GRID2: variants seen among roughly 807,000 people sequenced by gnomAD.
GRID2 encodes the protein glutamate receptor ionotropic, delta-2.
Under a neutral mutation model 114.8 loss-of-function variants are expected in GRID2, and 33 were observed. That is an observed-to-expected ratio of 0.29 (90% CI 0.22 to 0.38). The LOEUF (loss-of-function observed/expected upper bound fraction) is 0.38. Among genes scored for constraint, GRID2 ranks in the 10% least tolerant of loss-of-function variants. The pLI, the probability that GRID2 is intolerant of heterozygous loss-of-function variation, is 1.00. For synonymous variants in GRID2, 505 were observed against 449.9 expected (o/e 1.12, Z -1.55); for missense variants, 1,184 against 1,257.7 (o/e 0.94, Z 0.89).
intron 10 of GRID2, among the ~76,000 whole-genome samples, chr4:93,437,079 C>CT (rs1721161045): frequency 6.6e-6 from 1 of 152,082 alleles, no homozygotes; most frequent in Admixed American, 6.6e-5. Flanking sequence ...TTTGACAACA[C>CT]TGCAATTAAC....
At chr4:92,352,004 C>T (rs1296968397) in intron 1 of GRID2, among the ~76,000 whole-genome samples, 1 of 151,804 alleles carries the variant, frequency 6.6e-6, no homozygotes, top group East Asian at 1.9e-4. Flanking sequence ...ATTTCCTTTC[C>T]TTCAGGTAAA....
intron 3 of GRID2, among the ~76,000 whole-genome samples, chr4:93,101,930 A>G (rs952679268): frequency 3.3e-5 from 5 of 152,122 alleles, no homozygotes; most frequent in Admixed American, 1.3e-4. Flanking sequence ...TGTTATTAGC[A>G]TTATCACATT....
intron 13 of GRID2, among the ~76,000 whole-genome samples, chr4:93,536,559 G>A (rs528741217): frequency 6.6e-6 from 1 of 151,236 alleles, no homozygotes; most frequent in Non-Finnish European, 1.5e-5. Flanking sequence ...TTTATTGTAA[G>A]ATGTGAAACT....
At chr4:92,438,019 G>A (rs563651662) in intron 1 of GRID2, among the ~76,000 whole-genome samples, 1 of 152,038 alleles carries the variant, frequency 6.6e-6, no homozygotes, top group Non-Finnish European at 1.5e-5. Context: ...TTGGACTTTA[G>A]CTGGGCTTAG....
At chr4:93,156,830 T>C (rs1467374641) in intron 4 of GRID2, among the ~76,000 whole-genome samples, 2 of 151,652 alleles carry the variant, frequency 1.3e-5, no homozygotes, top group Non-Finnish European at 3.0e-5. Context: ...TTGGTGGTTT[T>C]TAAAGGACTA....
At chr4:93,280,369 A>G (rs1023531389) in intron 8 of GRID2, among the ~76,000 whole-genome samples, 3 of 152,012 alleles carry the variant, frequency 2.0e-5, no homozygotes, top group African/African-American at 7.2e-5. Context: ...TTATATACAA[A>G]TACATGAGAA....
At chr4:93,574,872 T>C (rs1736268889) in intron 13 of GRID2, among the ~76,000 whole-genome samples, 1 of 152,216 alleles carries the variant, frequency 6.6e-6, no homozygotes, top group Non-Finnish European at 1.5e-5. Flanking sequence ...AAGGGTTATT[T>C]CTCAACTCTA....
chr4:93,546,825 T>A (rs1296655999), intron 13 of GRID2, among the ~76,000 whole-genome samples: 1 of 151,972 alleles, frequency 6.6e-6, no homozygotes, highest in African/African-American at 2.4e-5. Context: ...CTTTAAAGAG[T>A]AATATTAATA....
intron 8 of GRID2, among the ~76,000 whole-genome samples, chr4:93,246,589 A>G (rs1290485999): frequency 2.6e-5 from 4 of 151,264 alleles, no homozygotes; most frequent in African/African-American, 9.7e-5. Context: ...TCCTTCTCAA[A>G]AAAAAAAAAA....
chr4:93,302,881 C>G (rs982595421), intron 8 of GRID2, among the ~76,000 whole-genome samples: 3 of 152,140 alleles, frequency 2.0e-5, no homozygotes, highest in Non-Finnish European at 4.4e-5. Context: ...GCTGATGAAA[C>G]TTGGTTAAAG....
intron 2 of GRID2, among the ~76,000 whole-genome samples, chr4:92,720,269 A>G (rs1735748284): frequency 6.6e-6 from 1 of 152,024 alleles, no homozygotes; most frequent in Non-Finnish European, 1.5e-5. Context: ...AATTATTTGA[A>G]TTTTCACTTC....
chr4:93,393,150 T>C (rs972821010), intron 8 of GRID2, among the ~76,000 whole-genome samples: 1 of 152,072 alleles, frequency 6.6e-6, no homozygotes, highest in Non-Finnish European at 1.5e-5. Flanking sequence ...ATCCTAAACA[T>C]TCTTTACTCC....
intron 1 of GRID2, among the ~76,000 whole-genome samples, chr4:92,468,612 C>A (rs1276647064): frequency 6.6e-6 from 1 of 151,932 alleles, no homozygotes; most frequent in Non-Finnish European, 1.5e-5. Context: ...AGGGAGAAAG[C>A]CATGTAAACA....
chr4:93,799,027 C>G (rs1734865486), intron 1 of GRID2, among the ~76,000 whole-genome samples: 1 of 152,220 alleles, frequency 6.6e-6, no homozygotes. Context: ...GCTCCGATCT[C>G]AGCTCTTCCA....
intron 2 of GRID2, among the ~76,000 whole-genome samples, chr4:92,736,605 A>G (rs1736609740): frequency 6.6e-6 from 1 of 152,098 alleles, no homozygotes; most frequent in African/African-American, 2.4e-5. Context: ...AACATGCCTC[A>G]TTAGCAACAA....
intron 2 of GRID2, among the ~76,000 whole-genome samples, chr4:93,035,754 A>G (rs1578809770): frequency 1.3e-5 from 2 of 152,196 alleles, no homozygotes. Flanking sequence ...AGGGCAGATC[A>G]CAATGTGATA....
intron 2 of GRID2, among the ~76,000 whole-genome samples, chr4:93,064,197 A>G (rs1012768819): frequency 3.3e-5 from 5 of 150,540 alleles, no homozygotes; most frequent in African/African-American, 9.7e-5. Flanking sequence ...TTTTGCACCA[A>G]CCTAATACTA....
At chr4:92,757,808 G>C (rs776688682) in intron 2 of GRID2, among the ~76,000 whole-genome samples, 1 of 151,392 alleles carries the variant, frequency 6.6e-6, no homozygotes, top group Non-Finnish European at 1.5e-5. Context: ...GCAGGGAGCC[G>C]TCTACATAAT....
At chr4:92,981,180 G>A (rs1248228200) in intron 2 of GRID2, among the ~76,000 whole-genome samples, 3 of 152,044 alleles carry the variant, frequency 2.0e-5, no homozygotes, top group African/African-American at 2.4e-5. Context: ...TAATTTAGTA[G>A]GAAAGTTTGC....
Sources: gnomAD v4.1 joint callset for allele counts (sites outside exome capture counted in the v4.1 genomes callset) on GRCh38, gnomAD v4.1.1 for gene constraint, MANE v1.5 for transcripts, NCBI Gene and HGNC (gene_info 2026-07-23, HGNC 2026-07-21) for gene names.